Variants in AMZ2 observed in about 807,000 individuals in gnomAD.
The protein encoded by AMZ2 is archaemetzincin-2.
A neutral mutation model predicts 36.7 loss-of-function variants in AMZ2; 26 were observed. That is an observed-to-expected ratio of 0.71 (90% CI 0.52 to 0.98). The LOEUF is 0.98. AMZ2 is among the 50% of genes least tolerant of loss of function. The probability of loss-of-function intolerance (pLI) is 0.00; values close to 1 mark genes in which losing one functional copy is unlikely to be tolerated. For missense variants in AMZ2, 394 were observed against 430.5 expected, an observed-to-expected ratio of 0.92 and a Z score of 0.75; for synonymous variants, 144 against 149.1, an observed-to-expected ratio of 0.97 and a Z score of 0.25.
intron 1 of AMZ2, among the ~76,000 whole-genome samples, chr17:68,221,118 T>C (rs574779538): frequency 1.3e-5 from 2 of 151,460 alleles, no homozygotes; most frequent in Admixed American, 1.3e-4. Context: ...AGTCTCGCTC[T>C]GTCACCCAGG....
At chr17:68,210,216 G>A (rs1205796370) in intron 1 of AMZ2, among the ~76,000 whole-genome samples, 1 of 152,126 alleles carries the variant, frequency 6.6e-6, no homozygotes, top group Non-Finnish European at 1.5e-5. Context: ...CAAACAAATG[G>A]TCATGCAAAA....
intron 1 of AMZ2, among the ~76,000 whole-genome samples, chr17:68,227,041 C>T (rs1200968446): frequency 2.6e-4 from 40 of 151,348 alleles, no homozygotes; most frequent in Non-Finnish European, 3.1e-4. Context: ...CTTCGGGCAC[C>T]GAGAGAGGGA....
At chr17:68,209,915 C>T (rs913517950) in intron 1 of AMZ2, among the ~76,000 whole-genome samples, 4 of 151,980 alleles carry the variant, frequency 2.6e-5, no homozygotes, top group Non-Finnish European at 1.5e-5. Context: ...GCCACCACCC[C>T]AGCCCCAGTA....
Position 68,235,894 on chromosome 17 carries a change from A to G in AMZ2, c.-66-12746A>G, listed in dbSNP as rs553810413. Among the ~76,000 whole-genome samples, 27 of 152,030 alleles carry G rather than the reference A, an allele frequency of 1.8e-4. No homozygotes were observed. The highest frequency in any genetic ancestry group is 4.3e-4 in the African/African-American group (18 of 41,482). ...CACCAGGCTGGAATGCAGTGGCACA[A>G]TCTTGGCTCACTGCAACCTCCATCT... On this transcript the variant is annotated intron_variant, in intron 1 of 7. Coordinates refer to the AMZ2 transcript ENST00000674770. The surrounding 1 kb of genome is among the most constrained non-coding windows in gnomAD (Gnocchi z 4.2).
At chr17:68,207,157 T>C (rs1296684345) in intron 1 of AMZ2, 2 of 152,224 alleles carry the variant, frequency 1.3e-5, no homozygotes, top group Non-Finnish European at 2.9e-5. Flanking sequence ...ACAGCATCAT[T>C]ATCAGATTTA....
chr17:68,211,230 C>A (rs1455185264), intron 1 of AMZ2, among the ~76,000 whole-genome samples: 1 of 151,882 alleles, frequency 6.6e-6, no homozygotes, highest in Non-Finnish European at 1.5e-5. Flanking sequence ...TGGCCGGGCA[C>A]GGTGGCTCAC....
chr17:68,222,382 T>C (rs782132716), intron 1 of AMZ2, among the ~76,000 whole-genome samples: 51 of 152,202 alleles, frequency 3.4e-4, no homozygotes, highest in Middle Eastern at 3.2e-3. Context: ...GTAGGGAGAT[T>C]GTTCTAGGGC....
rs149528274 is a variant in AMZ2 at position 68,216,440 on chromosome 17, G to T, written c.-67+10202G>T. 1.3e-3 allele frequency among the ~76,000 whole-genome samples: 194 copies of T among 152,264 alleles called. 2 individuals carry two copies. The highest frequency in any genetic ancestry group is 4.5e-3 in the African/African-American group (185 of 41,552). ...TGGGTCACCATGCCCTGCCTTGCAG[G>T]CACTATTTTTGTCTGCATTTTATAG... On this transcript the variant is annotated intron_variant, in intron 1 of 7. Coordinates refer to the AMZ2 transcript ENST00000674770.
upstream of AMZ2, chr17:68,247,854 G>GCTAC: frequency 1.0e-6 from 1 of 985,496 alleles, no homozygotes; most frequent in African/African-American, 1.7e-5. Flanking sequence ...TAGTCCCCTC[G>GCTAC]CTACCCTCTA....
chr17:68,242,951 G>T (rs1424622635), upstream of AMZ2, among the ~76,000 whole-genome samples: 1 of 151,332 alleles, frequency 6.6e-6, no homozygotes, highest in Non-Finnish European at 1.5e-5. Context: ...GACTGAGGTG[G>T]GAGGATCACC....
intron 1 of AMZ2, among the ~76,000 whole-genome samples, chr17:68,220,056 A>T (rs1423243365): frequency 1.3e-5 from 2 of 152,186 alleles, no homozygotes; most frequent in Admixed American, 6.5e-5. Context: ...CTCCAGTTTT[A>T]TAGCATATGA....
intron 1 of AMZ2, among the ~76,000 whole-genome samples, chr17:68,221,870 G>A (rs111573659): frequency 0.016 from 2,462 of 152,274 alleles, 65 homozygotes; most frequent in African/African-American, 0.057. Flanking sequence ...CAGACTGGAT[G>A]ACAGAGTGAG....
intron 1 of AMZ2, among the ~76,000 whole-genome samples, chr17:68,240,777 A>G (rs1555733832): frequency 6.6e-6 from 1 of 152,246 alleles, no homozygotes; most frequent in African/African-American, 2.4e-5. Context: ...ACATCTCAGT[A>G]GCAACATTGG....
At chr17:68,217,437 A>T (rs1453224634) in intron 1 of AMZ2, among the ~76,000 whole-genome samples, 1 of 152,212 alleles carries the variant, frequency 6.6e-6, no homozygotes, top group Non-Finnish European at 1.5e-5. Context: ...GATTTCAGGC[A>T]AATAGGATTA....
chr17:68,249,049 T>C, intron 1 of AMZ2: 1 of 1,185,270 alleles, frequency 8.4e-7, no homozygotes, highest in Non-Finnish European at 1.0e-6. Context: ...AGAGGAAGGA[T>C]GAAAGCTCTA....
chr17:68,216,750 G>T (rs1411447903), intron 1 of AMZ2, among the ~76,000 whole-genome samples: 1 of 152,118 alleles, frequency 6.6e-6, no homozygotes, highest in Non-Finnish European at 1.5e-5. Context: ...AAATCTTTAG[G>T]CCGGGCACGG....
intron 1 of AMZ2, among the ~76,000 whole-genome samples, chr17:68,240,894 G>T (rs1555733842): frequency 6.6e-6 from 1 of 152,168 alleles, no homozygotes; most frequent in African/African-American, 2.4e-5. Flanking sequence ...TATGAGGGCA[G>T]AATAAAAACA....
At chr17:68,228,775 G>A (rs1215608428) in intron 1 of AMZ2, among the ~76,000 whole-genome samples, 12 of 152,252 alleles carry the variant, frequency 7.9e-5, no homozygotes, top group Non-Finnish European at 1.5e-4. Context: ...CCCATATGCT[G>A]CCTTGGCCTG....
chr17:68,246,520 A>T (rs1209260364), upstream of AMZ2: 3 of 152,164 alleles, frequency 2.0e-5, no homozygotes, highest in Non-Finnish European at 4.4e-5. Context: ...CTGTCGGGAG[A>T]TAGGCGCCCA....
Sources: gnomAD v4.1 joint callset for allele counts (sites outside exome capture counted in the v4.1 genomes callset) on GRCh38, gnomAD v4.1.1 for gene constraint, Gnocchi (gnomAD v3.1) non-coding constraint, MANE v1.5 for transcripts, NCBI Gene and HGNC (gene_info 2026-07-23, HGNC 2026-07-21) for gene names.